The following ADGRV1 variants were observed in gnomAD, a reference collection of about 807,000 sequenced individuals.
The protein encoded by ADGRV1 is adhesion G protein-coupled receptor V1, also known as G-protein coupled receptor 98.
Under a neutral mutation model 596.2 loss-of-function variants are expected in ADGRV1, and 359 were observed. The observed-to-expected ratio is 0.60, with a 90% CI of 0.55 to 0.66. The LOEUF is 0.66. Among genes scored for constraint, ADGRV1 ranks in the 30% least tolerant of loss-of-function variants. ADGRV1 has a pLI of 0.00. For synonymous variants in ADGRV1, 2,681 were observed against 2,679.2 expected, an observed-to-expected ratio of 1.00 and a Z score of -0.02; for missense variants, 7,274 against 7,575.6, an observed-to-expected ratio of 0.96 and a Z score of 1.48.
chr5:90,620,067 G>T (rs1763861362), intron 4 of ADGRV1, among the ~76,000 whole-genome samples: 1 of 151,846 alleles, frequency 6.6e-6, no homozygotes. Context: ...AAATACGTGT[G>T]CATGTGTCTT....
At chr5:90,923,639 T>C (rs574329301) in intron 83 of ADGRV1, among the ~76,000 whole-genome samples, 150 of 152,270 alleles carry the variant, frequency 9.9e-4, no homozygotes, top group Middle Eastern at 3.4e-3. Context: ...TCTTTTTTTT[T>C]ATTATTATAC....
intron 34 of ADGRV1, among the ~76,000 whole-genome samples, chr5:90,698,687 A>C (rs1747512195): frequency 6.6e-6 from 1 of 152,190 alleles, no homozygotes; most frequent in African/African-American, 2.4e-5. Flanking sequence ...TGAAATCTGG[A>C]AAATGAATAT....
intron 70 of ADGRV1, among the ~76,000 whole-genome samples, chr5:90,795,086 GTTTTTTTT>G (rs35362542): frequency 3.7e-4 from 45 of 120,448 alleles, no homozygotes; most frequent in African/African-American, 1.1e-3. Flanking sequence ...AGCTGCAGAA[GTTTTTTTT>G]TTTTTTTTTT....
At chr5:91,013,402 G>C (rs1782887344) in intron 85 of ADGRV1, among the ~76,000 whole-genome samples, 1 of 151,810 alleles carries the variant, frequency 6.6e-6, no homozygotes, top group African/African-American at 2.4e-5. Flanking sequence ...AATAATACCT[G>C]TTCTGACTGG....
chr5:90,563,209 C>T (rs1396593827), intron 1 of ADGRV1, among the ~76,000 whole-genome samples: 1 of 152,198 alleles, frequency 6.6e-6, no homozygotes, highest in African/African-American at 2.4e-5. Flanking sequence ...AGCACAAGGT[C>T]CCCTGTCTGT....
intron 58 of ADGRV1, 150 bp from the exon 59 acceptor site, chr5:90,763,155 T>G: frequency 1.5e-6 from 1 of 666,736 alleles, no homozygotes; most frequent in Admixed American, 3.2e-5. Flanking sequence ...TGGGATTTGG[T>G]AAAAAAAATT....
intron 85 of ADGRV1, among the ~76,000 whole-genome samples, chr5:91,070,771 G>T (rs759555873): frequency 9.9e-5 from 15 of 151,992 alleles, no homozygotes; most frequent in Non-Finnish European, 1.6e-4. Context: ...CTAAACTCTG[G>T]TAATAATAAA....
chr5:90,739,098 AT>A (rs1316419094), intron 50 of ADGRV1, among the ~76,000 whole-genome samples: 4 of 151,524 alleles, frequency 2.6e-5, no homozygotes, highest in Non-Finnish European at 4.4e-5. Context: ...TTTCTACTGA[AT>A]TTTTAGAATA....
In ADGRV1 at chr5:90,860,729, A is replaced by T. The variant is rs1045076357; in HGVS notation, c.17756-3028A>T. Among the ~76,000 whole-genome samples the T allele has an allele frequency of 1.8e-4, 27 of 151,946 alleles. 1 individual carries two copies. Among genetic ancestry groups the T allele is most frequent in the East Asian group, 1.3e-3 (7 of 5,188 alleles). On this transcript the variant is annotated intron_variant, in intron 82 of 89. Transcript: ENST00000405460. ...ATACATTAGGTGGTATAATAAAAAA[A>T]AAAAAGCCTAAGCTAAAAAGCTAAT...
chr5:90,738,969 C>A (rs1753607043), intron 50 of ADGRV1, among the ~76,000 whole-genome samples: 1 of 151,902 alleles, frequency 6.6e-6, no homozygotes, highest in Non-Finnish European at 1.5e-5. Flanking sequence ...TCCTATAGAC[C>A]TTCTCTATTC....
chr5:90,849,396 A>G (rs1766252745), intron 79 of ADGRV1, among the ~76,000 whole-genome samples: 1 of 152,080 alleles, frequency 6.6e-6, no homozygotes, highest in Non-Finnish European at 1.5e-5. Flanking sequence ...TTAACTATAT[A>G]TATATTTTTT....
Position 91,048,555 on chromosome 5 carries a change from A to G in ADGRV1, c.18153-23892A>G, listed in dbSNP as rs116565143. Among the ~76,000 whole-genome samples, 392 of 152,256 alleles carry G rather than the reference A, an allele frequency of 2.6e-3. 1 individual carries two copies. Among genetic ancestry groups the G allele is most frequent in the Non-Finnish European group, 4.8e-3 (329 of 68,006 alleles). On this transcript the variant is annotated intron_variant, in intron 85 of 89. Coordinates refer to ENST00000405460, the MANE Select transcript of ADGRV1 (RefSeq NM_032119.4). ...CACACAGTTACTTCTACATAGCACA[A>G]TTGTAGGTATCTTGTTCTCTCTTTT...
chr5:91,046,545 G>A (rs1238648956), intron 85 of ADGRV1, among the ~76,000 whole-genome samples: 1 of 152,138 alleles, frequency 6.6e-6, no homozygotes, highest in Non-Finnish European at 1.5e-5. Flanking sequence ...TGTAAGACTT[G>A]AAACTATAAA....
In ADGRV1 at chr5:90,920,377, G is replaced by T. The variant is rs77612668; in HGVS notation, c.17857-45038G>T. ...GGTTAGAGTTTCAACATATGAATTC[G>T]GGGAGACGCAAATATTAGAACATAA... On this transcript the variant is annotated intron_variant, in intron 83 of 89. Coordinates refer to ENST00000405460, the MANE Select transcript of ADGRV1 (RefSeq NM_032119.4). 4.5e-3 allele frequency among the ~76,000 whole-genome samples: 687 copies of T among 152,192 alleles called. 49 individuals are homozygous for T. In the East Asian group the frequency reaches 0.12, roughly 27 times the overall value.
intron 83 of ADGRV1, among the ~76,000 whole-genome samples, chr5:90,937,533 C>G (rs1275850842): frequency 6.7e-6 from 1 of 149,104 alleles, no homozygotes; most frequent in Non-Finnish European, 1.5e-5. Context: ...TCGCGGCTCA[C>G]TGCAAGCTCC....
At chr5:90,585,502 G>GT (rs1478353585) in intron 1 of ADGRV1, among the ~76,000 whole-genome samples, 1 of 152,214 alleles carries the variant, frequency 6.6e-6, no homozygotes, top group Non-Finnish European at 1.5e-5. Flanking sequence ...TGGATAAACT[G>GT]TATCACCTCC....
intron 67 of ADGRV1, among the ~76,000 whole-genome samples, chr5:90,785,961 T>C (rs375342463): frequency 6.6e-6 from 1 of 152,342 alleles, no homozygotes; most frequent in East Asian, 1.9e-4. Context: ...CGTATTTTTA[T>C]TGCGGCACTG....
chr5:91,129,263 T>G (rs191228034), intron 87 of ADGRV1, among the ~76,000 whole-genome samples: 2,096 of 150,590 alleles, frequency 0.014, 44 homozygotes, highest in African/African-American at 0.046. Context: ...ACATCTACTT[T>G]TAAATTTTCT....
intron 1 of ADGRV1, among the ~76,000 whole-genome samples, chr5:90,613,942 A>G (rs550195617): frequency 6.6e-6 from 1 of 152,184 alleles, no homozygotes; most frequent in East Asian, 1.9e-4. Flanking sequence ...AAAACACGTG[A>G]ACTTTTTATG....
Sources: allele counts gnomAD v4.1 joint callset (sites outside exome capture counted in the v4.1 genomes callset), GRCh38; gene constraint gnomAD v4.1.1; transcripts MANE v1.5; gene names NCBI Gene and HGNC (gene_info 2026-07-23, HGNC 2026-07-21).